The following NLK variants were observed in gnomAD, a reference collection of about 807,000 sequenced individuals.
NLK encodes the protein nemo like kinase, also known as serine/threonine-protein kinase NLK.
In NLK, 11 loss-of-function variants were observed where a neutral mutation model predicts 59.0. The observed-to-expected ratio is 0.19, with a 90% CI of 0.12 to 0.31. The LOEUF is 0.31. Among genes scored for constraint, NLK ranks in the 10% least tolerant of loss-of-function variants. The pLI, the probability that NLK is intolerant of heterozygous loss-of-function variation, is 1.00. For missense variants in NLK, 410 were observed against 661.1 expected, an observed-to-expected ratio of 0.62 and a Z score of 4.16; for synonymous variants, 235 against 235.9, an observed-to-expected ratio of 1.00 and a Z score of 0.03.
intron 7 of NLK, among the ~76,000 whole-genome samples, chr17:28,180,758 T>TA (rs1233643450): frequency 6.6e-6 from 1 of 152,130 alleles, no homozygotes. Context: ...CACAGGCTAG[T>TA]AAAAAAGAAG....
At chr17:28,110,500 T>TA (rs1024281723) in intron 1 of NLK, among the ~76,000 whole-genome samples, 2 of 151,446 alleles carry the variant, frequency 1.3e-5, no homozygotes, top group Non-Finnish European at 2.9e-5. Context: ...TTTTTTTTTT[T>TA]ACAACTTTTT....
chr17:28,157,690 A>G (rs1030525650), intron 3 of NLK, among the ~76,000 whole-genome samples: 7 of 152,216 alleles, frequency 4.6e-5, no homozygotes, highest in Admixed American at 3.9e-4. Flanking sequence ...CCAAAATTGC[A>G]TAGAACCATT....
chr17:28,194,451 C>A, intron 10 of NLK, 131 bp from the exon 11 acceptor site: 1 of 652,380 alleles, frequency 1.5e-6, no homozygotes, highest in Non-Finnish European at 2.6e-6. Context: ...AATTCAACTT[C>A]AAAGAAACAA....
chr17:28,065,777 T>C (rs1909804343), intron 1 of NLK, among the ~76,000 whole-genome samples: 1 of 152,204 alleles, frequency 6.6e-6, no homozygotes, highest in African/African-American at 2.4e-5. Context: ...TTTAGAAACT[T>C]TCATGGCAGT....
chr17:28,059,140 A>T (rs1909544052), intron 1 of NLK, among the ~76,000 whole-genome samples: 1 of 151,936 alleles, frequency 6.6e-6, no homozygotes, highest in Admixed American at 6.5e-5. Flanking sequence ...AAAAAAAAAT[A>T]AAGTACTATA....
chr17:28,153,634 C>T (rs1202776434), intron 3 of NLK, among the ~76,000 whole-genome samples: 3 of 152,154 alleles, frequency 2.0e-5, no homozygotes, highest in Non-Finnish European at 4.4e-5. Flanking sequence ...CAGAACATAA[C>T]AAAACGCTTA....
intron 3 of NLK, among the ~76,000 whole-genome samples, chr17:28,149,094 G>A (rs753281427): frequency 6.6e-6 from 1 of 152,122 alleles, no homozygotes; most frequent in Non-Finnish European, 1.5e-5. Context: ...ACAGGGTCTT[G>A]CTCTGTCGCC....
intron 7 of NLK, among the ~76,000 whole-genome samples, chr17:28,175,289 T>C (rs931537132): frequency 2.0e-5 from 3 of 147,164 alleles, no homozygotes; most frequent in Admixed American, 6.8e-5. Context: ...ACTAAAAAAA[T>C]ACAAAAAAAA....
intron 1 of NLK, among the ~76,000 whole-genome samples, chr17:28,083,866 T>G (rs1047809963): frequency 6.6e-6 from 1 of 152,180 alleles, no homozygotes; most frequent in Non-Finnish European, 1.5e-5. Context: ...ATGAAGACAC[T>G]ATACAGAAGT....
At chr17:28,141,289 T>C (rs1440194275) in intron 3 of NLK, among the ~76,000 whole-genome samples, 1 of 152,248 alleles carries the variant, frequency 6.6e-6, no homozygotes, top group African/African-American at 2.4e-5. Context: ...TTGTTCTCTG[T>C]TTATTTTGAA....
At chr17:28,054,742 G>C (rs191925248) in intron 1 of NLK, among the ~76,000 whole-genome samples, 2 of 152,212 alleles carry the variant, frequency 1.3e-5, no homozygotes, top group Admixed American at 1.3e-4. Flanking sequence ...GACCTGAGGA[G>C]AACATTTAAC....
At chr17:28,158,240 A>T (rs1907864341) in intron 3 of NLK, among the ~76,000 whole-genome samples, 1 of 152,224 alleles carries the variant, frequency 6.6e-6, no homozygotes, top group Non-Finnish European at 1.5e-5. Context: ...TACTGTAGGC[A>T]GCTTTAATAC....
chr17:28,106,421 C>A (rs1905083423), intron 1 of NLK, among the ~76,000 whole-genome samples: 1 of 152,010 alleles, frequency 6.6e-6, no homozygotes, highest in Non-Finnish European at 1.5e-5. Flanking sequence ...CAGATGTATT[C>A]CTTATAACAG....
intron 7 of NLK, among the ~76,000 whole-genome samples, chr17:28,183,443 A>G (rs1165514643): frequency 2.6e-5 from 4 of 152,098 alleles, no homozygotes; most frequent in African/African-American, 9.7e-5. Flanking sequence ...ATCCTCTCAC[A>G]TCAGACTCCT....
chr17:28,102,665 A>T (rs544391714), intron 1 of NLK, among the ~76,000 whole-genome samples: 1 of 151,644 alleles, frequency 6.6e-6, no homozygotes, highest in South Asian at 2.1e-4. Context: ...AAAAAAAAAA[A>T]GTTTTTACCC....
At chr17:28,073,171 T>C (rs993831580) in intron 1 of NLK, among the ~76,000 whole-genome samples, 5 of 152,196 alleles carry the variant, frequency 3.3e-5, no homozygotes, top group South Asian at 2.1e-4. Flanking sequence ...TGGAGACATA[T>C]TTCTGTTTTA....
At chr17:28,073,831 A>G (rs1442551505) in intron 1 of NLK, among the ~76,000 whole-genome samples, 2 of 152,194 alleles carry the variant, frequency 1.3e-5, no homozygotes, top group African/African-American at 2.4e-5. Context: ...CTTTATATAT[A>G]TATCTTTCTT....
the NLK span, among the ~76,000 whole-genome samples, chr17:28,205,439 G>A: frequency 2.0e-5 from 3 of 152,072 alleles, no homozygotes; most frequent in African/African-American, 7.2e-5. Flanking sequence ...ACAACTCCAT[G>A]GTGAAAAAGA....
At chr17:28,141,964 A>T (rs1567725965) in intron 3 of NLK, among the ~76,000 whole-genome samples, 1 of 152,212 alleles carries the variant, frequency 6.6e-6, no homozygotes, top group Non-Finnish European at 1.5e-5. Context: ...TTGGAGGGTT[A>T]TGACGGTGGA....
Sources: gnomAD v4.1 joint callset for allele counts (sites outside exome capture counted in the v4.1 genomes callset) on GRCh38, gnomAD v4.1.1 for gene constraint, MANE v1.5 for transcripts, NCBI Gene and HGNC (gene_info 2026-07-23, HGNC 2026-07-21) for gene names.